Variants in MYLK2 observed in about 807,000 individuals in gnomAD.
The protein encoded by MYLK2 is myosin light chain kinase 2, skeletal/cardiac muscle.
A neutral mutation model predicts 58.2 loss-of-function variants in MYLK2; 27 were observed. That is an observed-to-expected ratio of 0.46 (90% CI 0.34 to 0.64). The LOEUF (loss-of-function observed/expected upper bound fraction) is 0.64, where lower values mean the gene tolerates loss of function less well. MYLK2 is among the 30% of genes least tolerant of loss of function. MYLK2 has a pLI of 0.01. For synonymous variants in MYLK2, 310 were observed against 296.7 expected, an observed-to-expected ratio of 1.04 and a Z score of -0.46; for missense variants, 676 against 764.3, an observed-to-expected ratio of 0.88 and a Z score of 1.36.
chr20:31,825,166 G>C (rs2062272702), intron 6 of MYLK2, among the ~76,000 whole-genome samples: 1 of 152,258 alleles, frequency 6.6e-6, no homozygotes, highest in Admixed American at 6.5e-5. Flanking sequence ...GTGAAAGCGT[G>C]AGAAGCAGCT....
Position 31,820,344 on chromosome 20 carries a change from G to T in MYLK2, c.271G>T (p.Ala91Ser), listed in dbSNP as rs987411283. ...DRGGGPAEGS[A>S]GPPAALPQQT... ...GGGCGGGGGGCCCGCGGAGGGCAGT[G>T]CTGGGCCCCCGGCAGCCCTGCCCCA... is the stretch of plus-strand genomic sequence containing the variant. The change falls in exon 3 of 13, where the codon GCT (alanine) becomes TCT (serine). Residue 91 changes from alanine (A) to serine (S), a missense_variant. Transcript: ENST00000375985. 5 of 1,612,798 alleles carry T rather than the reference G, an allele frequency of 3.1e-6. No individual in the cohort carries two copies. The African/African-American group carries it at 5.3e-5, about 17-fold the overall frequency.
At chr20:31,826,078 G>T (rs1357220239) in intron 6 of MYLK2, among the ~76,000 whole-genome samples, 1 of 152,154 alleles carries the variant, frequency 6.6e-6, no homozygotes, top group African/African-American at 2.4e-5. Flanking sequence ...GCACCCTTGG[G>T]TGAAGCGTGG....
At position 31,821,661 on chromosome 20, in the gene MYLK2, T is replaced by C; in HGVS notation, c.696T>C (p.Ala232=). ...GDTSRGIEFQ[A]VPSEKSEVGQ... ...CCTCGAGGGGGATTGAGTTCCAGGC[T>C]GTTCCCTCAGAGAAATCCGAGGTGG... Residue 232 remains alanine (A), a synonymous_variant, in exon 4 of 13, where the codon GCT becomes GCC. Transcript: ENST00000375985. The C allele has an allele frequency of 3.7e-6, 6 of 1,613,860 alleles. No homozygotes were observed. The highest frequency in any genetic ancestry group is 5.1e-6 in the Non-Finnish European group (6 of 1,179,886).
chr20:31,832,080 C>T lies in MYLK2; in HGVS notation c.1654C>T (p.Arg552Ter), dbSNP rs1262954625. Residue 552 changes from arginine (R) to a stop codon, truncating the protein, a stop_gained, in exon 12 of 13, where the codon CGA (arginine) becomes TGA (stop). Transcript: ENST00000375985. LOFTEE classifies it high-confidence loss of function. Reference sequence around the variant, plus strand: ...GGCGGAGAAAGCCAAACGCTGTAACCGACGCCTTAAGTCCCAGATCTTGCT... The same window carrying T: ...GGCGGAGAAAGCCAAACGCTGTAACTGACGCCTTAAGTCCCAGATCTTGCT... Reference protein sequence around the residue: ...NLAEKAKRCNRRLKSQILLKK... With the variant: ...NLAEKAKRCN 22 of 1,608,490 alleles carry T rather than the reference C, an allele frequency of 1.4e-5. No individual in the cohort carries two copies. Among genetic ancestry groups the T allele is most frequent in the Non-Finnish European group, 1.4e-5 (17 of 1,177,526 alleles).
intron 8 of MYLK2, 123 bp from the exon 9 acceptor site, chr20:31,830,696 G>A: frequency 1.0e-6 from 1 of 1,000,938 alleles, no homozygotes; most frequent in South Asian, 1.3e-5. Context: ...GAGGGTCTCT[G>A]GCAGCTGCCC....
intron 8 of MYLK2, among the ~76,000 whole-genome samples, chr20:31,829,876 A>G (rs1056901453): frequency 6.6e-6 from 1 of 152,232 alleles, no homozygotes. Flanking sequence ...AACTGGGCTT[A>G]CAGTAACGTC....
rs1314025836 is a variant in MYLK2, at chr20:31,823,809, CCGTAGGAAATACACAG to C, written c.878+229_878+244del. ...ACGCACCGTCAGCCATTCAGTGCTTCCGTAGGAAATACACAGCATTTTTCTGTCTGTCTCAGCTCCA... is the reference window on the plus strand; with the variant it reads ...ACGCACCGTCAGCCATTCAGTGCTTCCATTTTTCTGTCTGTCTCAGCTCCA... On this transcript the variant is annotated intron_variant, in intron 5 of 12. Transcript: ENST00000375985. 6 of 486,088 alleles carry C rather than the reference CCGTAGGAAATACACAG, an allele frequency of 1.2e-5. No individual in the cohort carries two copies. In the East Asian group the frequency reaches 7.6e-4, roughly 62 times the overall value. The allele number at this position is 486,088 out of a possible 1,614,324, so 30.1% of individuals were successfully genotyped here.
In MYLK2 at chr20:31,826,588, A is replaced by C. The variant is rs1200980656; in HGVS notation, c.973-17A>C. 1 of 1,613,906 alleles carries C rather than the reference A, an allele frequency of 6.2e-7. No homozygotes were observed. The highest frequency in any genetic ancestry group is 1.1e-5 in the South Asian group (1 of 91,044). ...TGATGGTGCCCAGCTGGTACCCTTG[A>C]CTTCCCTGGTCCCCAGGAAATGGTG... On this transcript the variant is annotated splice_polypyrimidine_tract_variant and intron_variant, in intron 6 of 12. Coordinates refer to ENST00000375985, the MANE Select transcript of MYLK2 (RefSeq NM_033118.4).
At chr20:31,823,902 C>A in intron 5 of MYLK2, 1 of 980,398 alleles carries the variant, frequency 1.0e-6, no homozygotes. Flanking sequence ...AAAGCCCTGA[C>A]TCAGTCTTAT....
At chr20:31,833,626 G>A in intron 12 of MYLK2, 91 bp from the exon 13 acceptor site, 2 of 1,157,482 alleles carry the variant, frequency 1.7e-6, no homozygotes, top group Non-Finnish European at 2.6e-6. Flanking sequence ...TGACCCTCCT[G>A]GACTGAAGGG....
At position 31,820,469 on chromosome 20, in the gene MYLK2, A is replaced by C. The variant is rs1167573148; in HGVS notation, c.396A>C (p.Ala132=). ...DPGKPRVGKK[A]AEGQAAARRG... ...GAAAGCCCAGGGTGGGCAAGAAGGCAGCAGAGGGCCAAGCAGCAGCCAGGA... is the reference window on the plus strand; with the variant it reads ...GAAAGCCCAGGGTGGGCAAGAAGGCCGCAGAGGGCCAAGCAGCAGCCAGGA... Residue 132 remains alanine (A), a synonymous_variant, in exon 3 of 13, where the codon GCA becomes GCC. Transcript: ENST00000375985. The C allele has an allele frequency of 1.2e-6, 2 of 1,611,086 alleles. No homozygotes were observed. The highest frequency in any genetic ancestry group is 1.7e-6 in the Non-Finnish European group (2 of 1,180,006).
intron 8 of MYLK2, among the ~76,000 whole-genome samples, chr20:31,829,992 C>G (rs1448918810): frequency 6.6e-6 from 1 of 152,158 alleles, no homozygotes; most frequent in African/African-American, 2.4e-5. Context: ...GAAGAGCCAA[C>G]CCTGTAGTGT....
chr20:31,833,063 A>G (rs540646336), intron 12 of MYLK2, among the ~76,000 whole-genome samples: 1 of 151,954 alleles, frequency 6.6e-6, no homozygotes, highest in South Asian at 2.1e-4. Context: ...ATATTTTAAA[A>G]ATATTTTTGT....
chr20:31,822,246 G>A (rs368155349), intron 4 of MYLK2, among the ~76,000 whole-genome samples: 3 of 152,128 alleles, frequency 2.0e-5, no homozygotes, highest in East Asian at 3.9e-4. Context: ...TGACTAAAAT[G>A]AAGTTAAAAA....
chr20:31,831,665 A>G (rs2062306906), intron 10 of MYLK2, 38 bp from the exon 11 acceptor site: 6 of 1,612,292 alleles, frequency 3.7e-6, no homozygotes, highest in Non-Finnish European at 5.1e-6. Flanking sequence ...AGCACCTCCA[A>G]TCTCACCTCC....
chr20:31,831,706 G>A lies in MYLK2; in HGVS notation c.1428G>A (p.Leu476=), dbSNP rs1449833141. ...WSMGVITYML[L]SGLSPFLGDD... is the part of the protein sequence containing the mutation. ...CCCTGCTATCCCCTCCCTCTAGGCT[G>A]AGCGGCCTCTCCCCCTTCCTGGGAG... Residue 476 remains leucine (L), a synonymous_variant, in exon 11 of 13, where the codon CTG becomes CTA. Transcript: ENST00000375985. The A allele has an allele frequency of 6.2e-7, 1 of 1,613,898 alleles. No homozygotes were observed. Among genetic ancestry groups the A allele is most frequent in the Non-Finnish European group, 8.5e-7 (1 of 1,179,964 alleles).
In MYLK2 at chr20:31,820,348, G is replaced by A; in HGVS notation, c.275G>A (p.Gly92Glu). Residue 92 changes from glycine (G) to glutamate (E), a missense_variant, in exon 3 of 13, where the codon GGG becomes GAG. Physicochemically the swap from Gly to Glu is moderately conservative, Grantham distance 98. Coordinates refer to ENST00000375985, the MANE Select transcript of MYLK2 (RefSeq NM_033118.4). ...GGGGGGCCCGCGGAGGGCAGTGCTG[G>A]GCCCCCGGCAGCCCTGCCCCAGCAG... is the stretch of plus-strand genomic sequence containing the variant. The part of the protein sequence containing the change: ...RGGGPAEGSA[G>E]PPAALPQQTA... 6.2e-7 allele frequency: 1 copy of A among 1,612,852 alleles called. No homozygotes were observed. The highest frequency in any genetic ancestry group is 8.5e-7 in the Non-Finnish European group (1 of 1,179,850).
chr20:31,829,208 G>A (rs1384731682), intron 8 of MYLK2, among the ~76,000 whole-genome samples: 1 of 152,168 alleles, frequency 6.6e-6, no homozygotes, highest in African/African-American at 2.4e-5. Context: ...AAGCTCAGTC[G>A]TGAGCCTCTG....
chr20:31,827,060 C>G, intron 8 of MYLK2, 122 bp downstream of exon 8: 1 of 1,532,434 alleles, frequency 6.5e-7, no homozygotes, highest in Admixed American at 2.0e-5. Context: ...CCATCCTTCC[C>G]TTCATAGATT....
Sources: allele counts gnomAD v4.1 joint callset (sites outside exome capture counted in the v4.1 genomes callset), GRCh38; gene constraint gnomAD v4.1.1; transcripts MANE v1.5; gene names NCBI Gene and HGNC (gene_info 2026-07-23, HGNC 2026-07-21).